The following SERPINA10 variants were observed in gnomAD, a reference collection of about 807,000 sequenced individuals.
The protein encoded by SERPINA10 is serpin family A member 10.
In SERPINA10, 24 loss-of-function variants were observed where a neutral mutation model predicts 28.0. That is an observed-to-expected ratio of 0.86 (90% confidence interval 0.62 to 1.20). The LOEUF is 1.20. Among genes scored for constraint, SERPINA10 ranks in the 50% most tolerant of loss-of-function variants. SERPINA10 has a pLI of 0.00. For synonymous variants in SERPINA10, 207 were observed against 203.9 expected (o/e 1.02, Z -0.13); for missense variants, 521 against 537.7 (o/e 0.97, Z 0.31).
rs757199506 is a variant in SERPINA10, at chr14:94,289,862, C to T, written c.718+14G>A. ...GCCCTGTGGCCTTGGGAGAGCAGAA[C>T]ATTATCAAAGTACCTTTGAACAAGA... On this transcript the variant is annotated intron_variant, in intron 2 of 4. Transcript: ENST00000261994. 6 of 1,613,398 alleles carry T rather than the reference C, an allele frequency of 3.7e-6. No individual in the cohort carries two copies. Among genetic ancestry groups the T allele is most frequent in the Non-Finnish European group, 5.1e-6 (6 of 1,179,618 alleles).
rs1038503387 is a variant in SERPINA10 at position 94,286,216 on chromosome 14, C to A, written c.1035G>T (p.Lys345Asn). 4 of 1,614,050 alleles carry A rather than the reference C, an allele frequency of 2.5e-6. No homozygotes were observed. The African/African-American group carries it at 5.3e-5, about 22-fold the overall frequency. The change falls in exon 4 of 5, where the codon AAG becomes AAT. Residue 345 changes from lysine to asparagine, a missense_variant. Coordinates refer to ENST00000261994, the MANE Select transcript of SERPINA10 (RefSeq NM_001100607.3). ...GCCTAAGCAGCTCATGCATCTCATA[C>A]TTCTGATCTAGCTTGAACTTCGGAA... ...VFFPKFKLDQ[K>N]YEMHELLRQM...
chr14:94,290,225 C>T lies in SERPINA10; in HGVS notation c.369G>A (p.Gln123=). 3 of 1,613,644 alleles carry T rather than the reference C, an allele frequency of 1.9e-6. No homozygotes were observed. The highest frequency in any genetic ancestry group is 2.5e-6 in the Non-Finnish European group (3 of 1,179,698). Residue 123 remains glutamine, a synonymous_variant, in exon 2 of 5, where the codon CAG becomes CAA. Coordinates refer to ENST00000261994, the MANE Select transcript of SERPINA10 (RefSeq NM_001100607.3). ...CCTGCAAGTGGAGCCCTCTCTTGAT[C>T]TGGGTTTCAGTCGGCCCTGTGGCCC... is the stretch of plus-strand genomic sequence containing the variant. ...MLGATGPTET[Q]IKRGLHLQAL...
Position 94,283,935 on chromosome 14 carries a change from A to G in SERPINA10, c.*30T>C, listed in dbSNP as rs1322932614. The G allele has an allele frequency of 4.4e-6, 7 of 1,605,162 alleles. No individual in the cohort carries two copies. The highest frequency in any genetic ancestry group is 1.3e-5 in the African/African-American group (1 of 74,718). Reference sequence around the variant, plus strand: ...TGATACCTCAGATTCAGCATCTACTACAGCACGAAGTGCTTATGCGTGTCC... The same window carrying G: ...TGATACCTCAGATTCAGCATCTACTGCAGCACGAAGTGCTTATGCGTGTCC... On this transcript the variant is annotated 3_prime_UTR_variant, in exon 5 of 5. Coordinates refer to ENST00000261994, the MANE Select transcript of SERPINA10 (RefSeq NM_001100607.3).
chr14:94,286,435 C>A (rs746332851), intron 3 of SERPINA10, among the ~76,000 whole-genome samples, 177 bp from the exon 4 acceptor site: 1 of 152,222 alleles, frequency 6.6e-6, no homozygotes, highest in Non-Finnish European at 1.5e-5. Flanking sequence ...TCTAGCTTAT[C>A]AAATAGTACT....
At chr14:94,291,563 C>G (rs1002273150) in intron 1 of SERPINA10, among the ~76,000 whole-genome samples, 21 of 152,224 alleles carry the variant, frequency 1.4e-4, no homozygotes, top group African/African-American at 5.1e-4. Context: ...ACACTGCAGG[C>G]CTGATCCCAG....
chr14:94,288,640 C>T (rs2139697378), intron 2 of SERPINA10, 81 bp from the exon 3 acceptor site: 2 of 1,542,816 alleles, frequency 1.3e-6, no homozygotes, highest in Non-Finnish European at 1.8e-6. Context: ...AGAGAGGGAG[C>T]CTTCTATCTC....
At chr14:94,292,683 C>T (rs1021870883) in intron 1 of SERPINA10, 15 of 701,688 alleles carry the variant, frequency 2.1e-5, no homozygotes, top group Admixed American at 1.0e-4. Context: ...GGACATATAT[C>T]GCCTAAGGTC....
Position 94,282,192 on chromosome 14 carries a change from A to G in SERPINA10, c.*1773T>C, listed in dbSNP as rs1426850761. 6.6e-6 allele frequency: 1 copy of G among 152,008 alleles called. No individual in the cohort carries two copies. The highest frequency in any genetic ancestry group is 1.5e-5 in the Non-Finnish European group (1 of 67,952). The allele number at this position is 152,008 out of a possible 1,614,324, so 9.4% of individuals were successfully genotyped here. Reference sequence around the variant, plus strand: ...TGAAAAGTCAGTATTTAGACTGCATATTAATATTATTACCTATTCACATTA... The same window carrying G: ...TGAAAAGTCAGTATTTAGACTGCATGTTAATATTATTACCTATTCACATTA... On this transcript the variant is annotated 3_prime_UTR_variant, in exon 5 of 5. Coordinates refer to ENST00000261994, the MANE Select transcript of SERPINA10 (RefSeq NM_001100607.3).
intron 3 of SERPINA10, among the ~76,000 whole-genome samples, chr14:94,286,967 T>G (rs1448948120): frequency 6.6e-6 from 1 of 152,200 alleles, no homozygotes; most frequent in African/African-American, 2.4e-5. Context: ...TTAGCTGCAC[T>G]TGTCTGCCAA....
chr14:94,292,562 C>T (rs1249749528), intron 1 of SERPINA10: 7 of 700,956 alleles, frequency 1.0e-5, no homozygotes, highest in Non-Finnish European at 1.8e-5. Context: ...AGGAAATTAG[C>T]CCAGCACGCC....
intron 3 of SERPINA10, among the ~76,000 whole-genome samples, chr14:94,286,906 T>C (rs1895038409): frequency 6.6e-6 from 1 of 152,152 alleles, no homozygotes; most frequent in African/African-American, 2.4e-5. Context: ...GCTAAAGATA[T>C]GAAGAAAAAT....
chr14:94,282,880 A>C lies in SERPINA10; in HGVS notation c.*1085T>G, dbSNP rs560679871. 6.6e-6 allele frequency: 1 copy of C among 152,326 alleles called. No individual in the cohort carries two copies. Among genetic ancestry groups the C allele is most frequent in the South Asian group, 2.1e-4 (1 of 4,826 alleles). The allele number at this position is 152,326 out of a possible 1,614,324, so 9.4% of individuals were successfully genotyped here. ...CGTGCCTAGGGCCCATGAAAGTAAG[A>C]ATATGGACCTGTTTCTGGGTCCCTC... On this transcript the variant is annotated 3_prime_UTR_variant, in exon 5 of 5. Coordinates refer to ENST00000261994, the MANE Select transcript of SERPINA10 (RefSeq NM_001100607.3).
At chr14:94,290,727 C>T in intron 1 of SERPINA10, 84 bp from the exon 2 acceptor site, 2 of 1,461,036 alleles carry the variant, frequency 1.4e-6, no homozygotes, top group Non-Finnish European at 1.8e-6. Flanking sequence ...GGGACCCTGC[C>T]TCCTTCCTGT....
At chr14:94,289,199 A>G (rs1476320846) in intron 2 of SERPINA10, among the ~76,000 whole-genome samples, 1 of 152,160 alleles carries the variant, frequency 6.6e-6, no homozygotes, top group Non-Finnish European at 1.5e-5. Context: ...GTGGCATCCA[A>G]CCCACGTCCA....
chr14:94,290,674 A>G, intron 1 of SERPINA10, 31 bp from the exon 2 acceptor site: 1 of 1,573,848 alleles, frequency 6.4e-7, no homozygotes, highest in Non-Finnish European at 8.6e-7. Context: ...AGATGGTTTT[A>G]ATGCCTCCTA....
intron 1 of SERPINA10, chr14:94,292,879 C>T (rs2139704624): frequency 1.8e-6 from 1 of 544,352 alleles, no homozygotes; most frequent in Non-Finnish European, 3.3e-6. Flanking sequence ...TCCCTGCCTC[C>T]CCTCAGCCCT....
Position 94,282,597 on chromosome 14 carries a change from A to C in SERPINA10, c.*1368T>G, listed in dbSNP as rs1442688700. 1 of 152,164 alleles carries C rather than the reference A, an allele frequency of 6.6e-6. No individual in the cohort carries two copies. Among genetic ancestry groups the C allele is most frequent in the Non-Finnish European group, 1.5e-5 (1 of 68,054 alleles). The allele number at this position is 152,164 out of a possible 1,614,324, so 9.4% of individuals were successfully genotyped here. On this transcript the variant is annotated 3_prime_UTR_variant, in exon 5 of 5. Transcript: ENST00000261994. ...AGGCTTCTGACTCTGCCATTGCCAC[A>C]CTGGAAGACCTTGGACAAGTATTTT...
intron 1 of SERPINA10, chr14:94,292,964 T>G (rs141130093): frequency 2.1e-5 from 9 of 421,614 alleles, no homozygotes; most frequent in South Asian, 9.8e-5. Flanking sequence ...CCTCTTTCCC[T>G]TGGCCTCCTT....
In SERPINA10 at chr14:94,280,936, A is replaced by T. The variant is rs902483852; in HGVS notation, c.*3029T>A. Reference sequence around the variant, plus strand: ...TTGACTTCCTGAGCTTGAATATCTTAGTCTGGAGATGAGTCAGTTTTGCCA... The same window carrying T: ...TTGACTTCCTGAGCTTGAATATCTTTGTCTGGAGATGAGTCAGTTTTGCCA... On this transcript the variant is annotated 3_prime_UTR_variant, in exon 5 of 5. Coordinates refer to ENST00000261994, the MANE Select transcript of SERPINA10 (RefSeq NM_001100607.3). 6.6e-6 allele frequency: 1 copy of T among 152,188 alleles called. No homozygotes were observed. The highest frequency in any genetic ancestry group is 2.4e-5 in the African/African-American group (1 of 41,440). The allele number at this position is 152,188 out of a possible 1,614,324, so 9.4% of individuals were successfully genotyped here. A position where few individuals can be genotyped will look rare whatever the true frequency, so the allele number is the denominator to read the frequency against.
Sources: allele counts gnomAD v4.1 joint callset (sites outside exome capture counted in the v4.1 genomes callset), GRCh38; gene constraint gnomAD v4.1.1; transcripts MANE v1.5; gene names NCBI Gene and HGNC (gene_info 2026-07-23, HGNC 2026-07-21).